DMXL1: variants seen among roughly 807,000 people sequenced by gnomAD.
The protein encoded by DMXL1 is dmX-like protein 1.
Under a neutral mutation model 319.2 loss-of-function variants are expected in DMXL1, and 99 were observed. That is an observed-to-expected ratio of 0.31 (90% CI 0.26 to 0.37). The LOEUF is 0.37. Ranked by LOEUF, DMXL1 falls within the 10% of genes least tolerant of loss-of-function variation. DMXL1 has a pLI of 1.00. For missense variants in DMXL1, 3,745 were observed against 3,595.6 expected (o/e 1.04, Z -1.06); for synonymous variants, 1,385 against 1,235.2 (o/e 1.12, Z -2.54).
At chr5:119,187,411 T>C (rs1310550893) in intron 28 of DMXL1, among the ~76,000 whole-genome samples, 2 of 152,190 alleles carry the variant, frequency 1.3e-5, no homozygotes, top group African/African-American at 4.8e-5. Flanking sequence ...CTATAGTTTT[T>C]ATCGGTGCCC....
Position 119,106,058 on chromosome 5 carries a change from A to G in DMXL1, c.364+800A>G, listed in dbSNP as rs146088102. On this transcript the variant is annotated intron_variant, in intron 4 of 43. Coordinates refer to ENST00000539542, the MANE Select transcript of DMXL1 (RefSeq NM_001290321.3). ...AAGACTCTGTGGGAATGGCTTGTCT[A>G]TTGTTCCATGTGGTAGTGACTGAAG... Among the ~76,000 whole-genome samples the G allele has an allele frequency of 9.2e-4, 140 of 152,248 alleles. 3 individuals carry two copies. The East Asian group carries it at 0.021, about 23-fold the overall frequency.
At position 119,171,841 on chromosome 5, in the gene DMXL1, G is replaced by A. The variant is rs1412992262; in HGVS notation, c.6553G>A (p.Ala2185Thr). 2 of 1,613,708 alleles carry A rather than the reference G, an allele frequency of 1.2e-6. No individual in the cohort carries two copies. The highest frequency in any genetic ancestry group is 3.3e-5 in the Admixed American group (2 of 59,988). ...GCAAACCTCAGTGCCTCTCCTCTTT[G>A]CTTGTACAGCCAATGCCAAAACAGT... ...SEQTSVPLLF[A>T]CTANAKTVVA... The change falls in exon 25 of 44, where the codon GCT becomes ACT. Residue 2185 changes from alanine to threonine, a missense_variant. Ala to Thr is a moderately conservative substitution (Grantham distance 58). Around this residue, in one of 4 missense-constraint regions of DMXL1, gnomAD observed 1,382 missense variants for 1,269.5 expected, o/e 1.09. Transcript: ENST00000539542.
At chr5:119,071,033 C>T (rs1749400130), upstream of DMXL1, 1 of 157,672 alleles carries the variant, frequency 6.3e-6, no homozygotes, top group African/African-American at 2.4e-5. Flanking sequence ...AATTCTTTAC[C>T]ACAGTAGCAG....
At chr5:119,105,721 C>A (rs894108304) in intron 4 of DMXL1, among the ~76,000 whole-genome samples, 3 of 151,910 alleles carry the variant, frequency 2.0e-5, no homozygotes, top group Non-Finnish European at 2.9e-5. Context: ...CATGGAGAAA[C>A]CCTGTCTCTA....
rs186723276 is a variant in DMXL1, at chr5:119,239,775, G to A, written c.8652-644G>A. ...GTTTGAGTCCAGCCTGGGCAACATG[G>A]TGAAACCCTATCTCTACTAAAAATA... On this transcript the variant is annotated intron_variant, in intron 41 of 43. Coordinates refer to ENST00000539542, the MANE Select transcript of DMXL1 (RefSeq NM_001290321.3). Among the ~76,000 whole-genome samples the A allele has an allele frequency of 1.8e-3, 278 of 152,080 alleles. 1 individual carries two copies. The highest frequency in any genetic ancestry group is 4.5e-3 in the Admixed American group (68 of 15,274).
In DMXL1 at chr5:119,116,482, A is replaced by G. The variant is rs544005261; in HGVS notation, c.743+146A>G. On this transcript the variant is annotated intron_variant, in intron 7 of 43. Coordinates refer to ENST00000539542, the MANE Select transcript of DMXL1 (RefSeq NM_001290321.3). ...TAATATTAAATCGTCTCTGGCCTGC[A>G]CATCTCTGGCTGTGGCTCAACTATG... is the stretch of plus-strand genomic sequence containing the variant. 3.5e-6 allele frequency: 3 copies of G among 860,922 alleles called. No homozygotes were observed. The South Asian group carries it at 6.1e-5, about 17-fold the overall frequency. The allele number at this position is 860,922 out of a possible 1,614,324, so 53.3% of individuals were successfully genotyped here.
chr5:119,111,964 T>C (rs1332334622), intron 5 of DMXL1, among the ~76,000 whole-genome samples: 1 of 151,386 alleles, frequency 6.6e-6, no homozygotes, highest in Admixed American at 6.6e-5. Flanking sequence ...GATATTATCT[T>C]TATTTTTTTT....
intron 1 of DMXL1, among the ~76,000 whole-genome samples, chr5:119,082,916 A>G (rs1387164926): frequency 3.3e-5 from 5 of 152,126 alleles, no homozygotes; most frequent in African/African-American, 4.8e-5. Flanking sequence ...TCTTTATGAG[A>G]TCCACTTTTG....
chr5:119,232,029 G>T (rs1786835059), intron 38 of DMXL1, among the ~76,000 whole-genome samples: 1 of 151,978 alleles, frequency 6.6e-6, no homozygotes, highest in African/African-American at 2.4e-5. Flanking sequence ...GGAGTTTTAT[G>T]GCTACTTACA....
intron 9 of DMXL1, among the ~76,000 whole-genome samples, chr5:119,125,869 A>G (rs1229397094): frequency 2.6e-5 from 4 of 152,300 alleles, no homozygotes; most frequent in Non-Finnish European, 5.9e-5. Context: ...TGGCCAATAT[A>G]TATTTAAAAA....
intron 2 of DMXL1, among the ~76,000 whole-genome samples, chr5:119,099,189 TTTTGTTTGTTTTTG>T (rs1756673516): frequency 2.4e-5 from 1 of 41,376 alleles, no homozygotes; most frequent in South Asian, 1.1e-3. Context: ...TTTTTTTGTT[TTTTGTTTGTTTTTG>T]TTTGTTTGTT....
chr5:119,167,546 T>C, intron 22 of DMXL1, 57 bp from the exon 23 acceptor site: 3 of 1,415,596 alleles, frequency 2.1e-6, no homozygotes, highest in Non-Finnish European at 2.9e-6. Context: ...GTTAACAGAA[T>C]TTATCCTAAA....
At chr5:119,191,310 A>ACAT in intron 29 of DMXL1, among the ~76,000 whole-genome samples, 1 of 152,288 alleles carries the variant, frequency 6.6e-6, no homozygotes, top group Admixed American at 6.5e-5. Context: ...GCACAAATTG[A>ACAT]CATCTAACTG....
rs188774376 is a variant in DMXL1, at chr5:119,247,389, A to T, written c.*170A>T. The T allele has an allele frequency of 4.1e-4, 224 of 541,482 alleles. 1 individual carries two copies. Among genetic ancestry groups the T allele is most frequent in the Middle Eastern group, 3.9e-3 (8 of 2,048 alleles). 33.5% of individuals were successfully genotyped at this position (541,482 alleles called of 1,614,324 possible). On this transcript the variant is annotated 3_prime_UTR_variant, in exon 44 of 44. Coordinates refer to ENST00000539542, the MANE Select transcript of DMXL1 (RefSeq NM_001290321.3). ...TGATGCCTTAAAAATTAACAAGGTCATTCAGAAGTAGATTACATTGCCTAA... is the reference window on the plus strand; with the variant it reads ...TGATGCCTTAAAAATTAACAAGGTCTTTCAGAAGTAGATTACATTGCCTAA...
rs1554139482 is a variant in DMXL1, at chr5:119,202,891, A to ATT, written c.7746-427_7746-426insTT. 8.3e-3 allele frequency among the ~76,000 whole-genome samples: 1,158 copies of ATT among 139,742 alleles called. 26 individuals are homozygous for ATT. Among genetic ancestry groups the ATT allele is most frequent in the African/African-American group, 0.031 (1,107 of 36,048 alleles). The allele number at this position is 139,742 out of a possible 152,430, so 91.7% of individuals were successfully genotyped here. On this transcript the variant is annotated intron_variant, in intron 32 of 43. Transcript: ENST00000539542. ...TATATATATATATATATTTTTATAT[A>ATT]TATATATATATATATTTATATATTT...
At chr5:119,100,566 A>T (rs1212976465) in intron 2 of DMXL1, 1 of 151,896 alleles carries the variant, frequency 6.6e-6, no homozygotes, top group Non-Finnish European at 1.5e-5. Context: ...CCTTTTATTC[A>T]TCAGCTTCAA....
At position 119,177,469 on chromosome 5, in the gene DMXL1, C is replaced by T. The variant is rs1441170260; in HGVS notation, c.6871C>T (p.Pro2291Ser). Reference sequence around the variant, plus strand: ...TGAAGCATTAACTCCCAATACGTCACCAGCTCAATGGCCAGGTATAATTTT... The same window carrying T: ...TGAAGCATTAACTCCCAATACGTCATCAGCTCAATGGCCAGGTATAATTTT... ...LDEALTPNTS[P>S]AQWPGITCLI... Residue 2291 changes from proline (P) to serine (S), a missense_variant, in exon 27 of 44, where the codon CCA (proline) becomes TCA (serine). Transcript: ENST00000539542. The T allele has an allele frequency of 1.2e-6, 2 of 1,601,952 alleles. No individual in the cohort carries two copies. Among genetic ancestry groups the T allele is most frequent in the Admixed American group, 1.7e-5 (1 of 57,694 alleles).
intron 9 of DMXL1, 83 bp from the exon 10 acceptor site, chr5:119,129,128 T>G: frequency 1.3e-6 from 1 of 799,264 alleles, no homozygotes; most frequent in South Asian, 1.9e-5. Context: ...AATATAAATG[T>G]AATAGTAATA....
intron 37 of DMXL1, 26 bp from the exon 38 acceptor site, chr5:119,224,683 A>T (rs763384885): frequency 1.1e-6 from 1 of 938,206 alleles, no homozygotes; most frequent in South Asian, 2.3e-5. Context: ...TATTATGCCT[A>T]TAAAATAATT....
Sources: allele counts gnomAD v4.1 joint callset (sites outside exome capture counted in the v4.1 genomes callset), GRCh38; gene constraint gnomAD v4.1.1; regional missense constraint gnomAD v4.1.1; transcripts MANE v1.5; gene names NCBI Gene and HGNC (gene_info 2026-07-23, HGNC 2026-07-21).